Variants in LIMK1 observed in about 807,000 individuals in gnomAD.
LIMK1 encodes LIM motif-containing protein kinase.
LIMK1 carries 21 observed loss-of-function variants against 77.6 expected under a neutral mutation model. The ratio of observed to expected loss-of-function variants is 0.27; its 90% confidence interval spans 0.19 to 0.39. The LOEUF is 0.39. Among genes scored for constraint, LIMK1 ranks in the 10% least tolerant of loss-of-function variants. LIMK1 has a pLI of 1.00. For synonymous variants in LIMK1, 358 were observed against 370.0 expected (o/e 0.97, Z 0.37); for missense variants, 696 against 901.6 (o/e 0.77, Z 2.92).
chr7:74,097,675 C>T (rs951325959), intron 4 of LIMK1, among the ~76,000 whole-genome samples: 1 of 152,214 alleles, frequency 6.6e-6, no homozygotes, highest in Non-Finnish European at 1.5e-5. Context: ...GACTCTGTCT[C>T]AAAACAGAAA....
rs782412623 is a variant in LIMK1 at position 74,115,892 on chromosome 7, C to T, written c.1501C>T (p.Pro501Ser). 5.6e-6 allele frequency: 9 copies of T among 1,614,072 alleles called. No homozygotes were observed. The highest frequency in any genetic ancestry group is 1.1e-5 in the South Asian group (1 of 91,088). ...QPEGLRSLKK[P>S]DRKKRYTVVG... is the part of the protein sequence containing the mutation. ...TGAGGGCCTGCGGAGCCTCAAGAAG[C>T]CAGACCGCAAGAAGCGCTACACCGT... Residue 501 changes from proline to serine, a missense_variant, in exon 13 of 16, where the codon CCA becomes TCA. Around this residue, in one of 3 missense-constraint regions of LIMK1, gnomAD observed 438 missense variants for 602.3 expected, o/e 0.73. Coordinates refer to ENST00000336180, the MANE Select transcript of LIMK1 (RefSeq NM_002314.4).
intron 2 of LIMK1, among the ~76,000 whole-genome samples, chr7:74,090,248 G>T (rs563820066): frequency 6.6e-6 from 1 of 152,046 alleles, no homozygotes; most frequent in African/African-American, 2.4e-5. Flanking sequence ...GTTGGTGGGC[G>T]CCTGTAATCC....
intron 10 of LIMK1, chr7:74,109,731 G>A (rs1254982171): frequency 6.5e-6 from 1 of 152,754 alleles, no homozygotes; most frequent in East Asian, 1.9e-4. Flanking sequence ...TGTAGTCCCA[G>A]CTACTCGGGA....
chr7:74,107,915 G>T lies in LIMK1; in HGVS notation c.1110G>T (p.Leu370=). The change falls in exon 9 of 16, where the codon CTG becomes CTT. Residue 370 remains leucine (L), a synonymous_variant. Transcript: ENST00000336180. The part of the protein sequence containing the change: ...ETGEVMVMKE[L]IRFDEETQRT... Reference sequence around the variant, plus strand: ...GTGAGGTGATGGTGATGAAGGAGCTGATCCGGTTCGACGAGGAGACCCAGA... The same window carrying T: ...GTGAGGTGATGGTGATGAAGGAGCTTATCCGGTTCGACGAGGAGACCCAGA... The T allele has an allele frequency of 6.3e-7, 1 of 1,577,908 alleles. No homozygotes were observed. The highest frequency in any genetic ancestry group is 2.3e-5 in the East Asian group (1 of 43,326).
intron 10 of LIMK1, chr7:74,110,628 G>C (rs1277550589): frequency 1.3e-5 from 2 of 152,180 alleles, no homozygotes; most frequent in Non-Finnish European, 2.9e-5. Context: ...CCACCTCCCA[G>C]GTTCAATCGA....
chr7:74,117,123 C>T lies in LIMK1; in HGVS notation c.1567+1165C>T, dbSNP rs147154971. On this transcript the variant is annotated intron_variant, in intron 13 of 15. Coordinates refer to ENST00000336180, the MANE Select transcript of LIMK1 (RefSeq NM_002314.4). ...GTGTCGATCTCCTGACCTCGTGATCCGCCCGTCTCGGCCTCCCAAAGTGCT... is the reference window on the plus strand; with the variant it reads ...GTGTCGATCTCCTGACCTCGTGATCTGCCCGTCTCGGCCTCCCAAAGTGCT... Among the ~76,000 whole-genome samples the T allele has an allele frequency of 8.0e-3, 1,215 of 152,152 alleles. 14 individuals are homozygous for T. The highest frequency in any genetic ancestry group is 0.027 in the African/African-American group (1,141 of 41,506).
intron 13 of LIMK1, 148 bp from the exon 14 acceptor site, chr7:74,120,435 C>G: frequency 1.3e-6 from 1 of 777,938 alleles, no homozygotes; most frequent in Non-Finnish European, 2.2e-6. Flanking sequence ...AGAGCCTAAG[C>G]CTGGGTTCCC....
intron 1 of LIMK1, 95 bp from the exon 2 acceptor site, chr7:74,085,653 C>T: frequency 1.1e-6 from 1 of 921,462 alleles, no homozygotes; most frequent in African/African-American, 1.6e-5. Flanking sequence ...AGGATTGGTG[C>T]AGGTGTAGGT....
chr7:74,097,142 C>G lies in LIMK1; in HGVS notation c.354C>G (p.Ile118Met). 6.2e-7 allele frequency: 1 copy of G among 1,613,404 alleles called. No homozygotes were observed. The highest frequency in any genetic ancestry group is 8.5e-7 in the Non-Finnish European group (1 of 1,179,868). Residue 118 changes from isoleucine to methionine, a missense_variant, in exon 4 of 16, where the codon ATC becomes ATG. Around this residue, in one of 3 missense-constraint regions of LIMK1, gnomAD observed 252 missense variants for 279.4 expected, o/e 0.90. Transcript: ENST00000336180. ...CFICLTCGTFIGDGDTYTLVE... is the reference protein window; with the variant it reads ...CFICLTCGTFMGDGDTYTLVE... ...TCTGCCTCACGTGTGGGACCTTTATCGGTGACGGGGACACCTACACGCTGG... is the reference window on the plus strand; with the variant it reads ...TCTGCCTCACGTGTGGGACCTTTATGGGTGACGGGGACACCTACACGCTGG...
chr7:74,085,707 A>G, intron 1 of LIMK1, 41 bp from the exon 2 acceptor site: 2 of 1,507,578 alleles, frequency 1.3e-6, no homozygotes, highest in Non-Finnish European at 9.0e-7. Flanking sequence ...ACCAGATCAC[A>G]CTTCCTGAGA....
chr7:74,084,901 A>G (rs567486241), intron 1 of LIMK1, among the ~76,000 whole-genome samples: 1 of 152,278 alleles, frequency 6.6e-6, no homozygotes, highest in East Asian at 1.9e-4. Context: ...CAGGCCCATG[A>G]AAACCTGATT....
chr7:74,114,622 A>G (rs1310071126), intron 12 of LIMK1, among the ~76,000 whole-genome samples: 2 of 151,786 alleles, frequency 1.3e-5, no homozygotes, highest in African/African-American at 4.8e-5. Flanking sequence ...GGGAATATTC[A>G]AGATAAAATT....
chr7:74,108,039 G>T (rs193260890), intron 9 of LIMK1, 82 bp downstream of exon 9: 1 of 1,009,376 alleles, frequency 9.9e-7, no homozygotes, highest in Non-Finnish European at 1.5e-6. Context: ...TCGGAAAAGG[G>T]CTCTGGGAAC....
rs3801461 is a variant in LIMK1, at chr7:74,122,038, C to G, written c.*737C>G. On this transcript the variant is annotated 3_prime_UTR_variant, in exon 16 of 16. Coordinates refer to ENST00000336180, the MANE Select transcript of LIMK1 (RefSeq NM_002314.4). ...GGAGCGTGGAGCTGCGGTGCCCTGG[C>G]CGGCGATGGGGAGGAGCCGGCTCCG... 0.12 allele frequency: 18,628 copies of G among 152,704 alleles called. 1,202 individuals are homozygous for G. Among genetic ancestry groups the G allele is most frequent in the South Asian group, 0.23 (1,115 of 4,822 alleles). 9.5% of individuals were successfully genotyped at this position (152,704 alleles called of 1,614,324 possible).
intron 12 of LIMK1, among the ~76,000 whole-genome samples, chr7:74,115,013 C>G (rs1181828397): frequency 2.0e-5 from 3 of 151,976 alleles, no homozygotes; most frequent in African/African-American, 7.2e-5. Context: ...CACTTGAGGC[C>G]AGAAGTTGAA....
At chr7:74,099,473 G>A (rs573647455) in intron 5 of LIMK1, among the ~76,000 whole-genome samples, 1 of 152,342 alleles carries the variant, frequency 6.6e-6, no homozygotes, top group Admixed American at 6.5e-5. Context: ...GCCCACACCT[G>A]TAATCTCAGC....
intron 13 of LIMK1, among the ~76,000 whole-genome samples, chr7:74,117,607 G>A (rs1373309385): frequency 3.3e-5 from 5 of 151,978 alleles, no homozygotes; most frequent in African/African-American, 1.2e-4. Context: ...ACAGGTTCAG[G>A]GCAGGCAGAC....
At chr7:74,104,723 T>C (rs559440105) in intron 5 of LIMK1, among the ~76,000 whole-genome samples, 2 of 152,186 alleles carry the variant, frequency 1.3e-5, no homozygotes, top group Non-Finnish European at 2.9e-5. Flanking sequence ...GTGAGTTAGC[T>C]TATAGGCAAC....
At chr7:74,098,211 G>A (rs1041984070) in intron 4 of LIMK1, among the ~76,000 whole-genome samples, 7 of 152,102 alleles carry the variant, frequency 4.6e-5, no homozygotes, top group East Asian at 3.9e-4. Flanking sequence ...GTATCTTTGC[G>A]GGGCTGAGTC....
Sources: gnomAD v4.1 joint callset for allele counts (sites outside exome capture counted in the v4.1 genomes callset) on GRCh38, gnomAD v4.1.1 for gene constraint, gnomAD v4.1.1 regional missense constraint, MANE v1.5 for transcripts, NCBI Gene and HGNC (gene_info 2026-07-23, HGNC 2026-07-21) for gene names.